Variants in KIAA2012 observed in about 807,000 individuals in gnomAD.
KIAA2012 encodes the protein uncharacterized protein KIAA2012.
In KIAA2012, 125 loss-of-function variants were observed where a neutral mutation model predicts 150.6. The ratio of observed to expected loss-of-function variants is 0.83; its 90% CI spans 0.72 to 0.96. The LOEUF is 0.96. KIAA2012 is among the 40% of genes least tolerant of loss of function. The pLI, the probability that KIAA2012 is intolerant of heterozygous loss-of-function variation, is 0.00. For missense variants in KIAA2012, 1,219 were observed against 1,354.9 expected (o/e 0.90, Z 1.57); for synonymous variants, 462 against 504.7 (o/e 0.92, Z 1.13).
intron 8 of KIAA2012, among the ~76,000 whole-genome samples, chr2:202,105,034 G>A (rs1280437462): frequency 1.3e-5 from 2 of 152,166 alleles, no homozygotes; most frequent in Non-Finnish European, 2.9e-5. Flanking sequence ...TGAATTCATG[G>A]AGTTCTTCCC....
intron 1 of KIAA2012, 113 bp downstream of exon 1, chr2:202,073,824 C>T (rs903527978): frequency 4.8e-5 from 40 of 835,408 alleles, no homozygotes; most frequent in East Asian, 1.9e-4. Flanking sequence ...AGTGAGGTGG[C>T]GGGGTCACTG....
rs34967234 is a variant in KIAA2012 at position 202,203,772 on chromosome 2, C to CTT, written c.*20+1199_*20+1200dup. Among the ~76,000 whole-genome samples the CTT allele has an allele frequency of 6.5e-3, 940 of 143,996 alleles. 10 individuals carry two copies. The highest frequency in any genetic ancestry group is 8.6e-3 in the African/African-American group (338 of 39,382). 94.5% of individuals were successfully genotyped at this position (143,996 alleles called of 152,430 possible). A position where few individuals can be genotyped will look rare whatever the true frequency, so the allele number is the denominator to read the frequency against. ...AATTACATTGACTCTACCAGGATGT[C>CTT]TTTTTTTTTTTTTTTGAGACGGAGT... is the stretch of plus-strand genomic sequence containing the variant. On this transcript the variant is annotated intron_variant, in intron 23 of 23. Transcript: ENST00000498697.
chr2:202,112,469 T>C (rs555999357), intron 10 of KIAA2012, among the ~76,000 whole-genome samples: 1 of 152,316 alleles, frequency 6.6e-6, no homozygotes, highest in Non-Finnish European at 1.5e-5. Flanking sequence ...TCCTACCAAA[T>C]TGTTGAACCC....
intron 16 of KIAA2012, among the ~76,000 whole-genome samples, chr2:202,186,428 C>G (rs1338513012): frequency 6.6e-6 from 1 of 151,902 alleles, no homozygotes; most frequent in Non-Finnish European, 1.5e-5. Flanking sequence ...AGGAGAATCG[C>G]TAGAACCCGG....
intron 1 of KIAA2012, 59 bp downstream of exon 1, chr2:202,073,770 T>A: frequency 6.9e-7 from 1 of 1,456,904 alleles, no homozygotes; most frequent in Non-Finnish European, 9.4e-7. Context: ...TGCTCTATGT[T>A]TCCACTTGGG....
At chr2:202,193,099 TA>T (rs1222902566) in intron 19 of KIAA2012, among the ~76,000 whole-genome samples, 2 of 152,088 alleles carry the variant, frequency 1.3e-5, no homozygotes, top group Non-Finnish European at 2.9e-5. Flanking sequence ...CCAAAGCAAG[TA>T]AGAGAGAGAG....
At chr2:202,092,374 T>C (rs1342424541) in intron 3 of KIAA2012, among the ~76,000 whole-genome samples, 1 of 152,222 alleles carries the variant, frequency 6.6e-6, no homozygotes, top group Non-Finnish European at 1.5e-5. Flanking sequence ...TGGATTTCTT[T>C]ACACCCCTAT....
At chr2:202,142,821 A>T (rs1207501780) in intron 13 of KIAA2012, among the ~76,000 whole-genome samples, 2 of 152,132 alleles carry the variant, frequency 1.3e-5, no homozygotes. Flanking sequence ...GACTTCAAGC[A>T]TTAAAAAAGA....
At chr2:202,153,292 C>G (rs997118250) in intron 13 of KIAA2012, among the ~76,000 whole-genome samples, 1 of 151,996 alleles carries the variant, frequency 6.6e-6, no homozygotes, top group Non-Finnish European at 1.5e-5. Flanking sequence ...CAAGCCTCAG[C>G]AATCATTGTG....
intron 2 of KIAA2012, among the ~76,000 whole-genome samples, chr2:202,086,555 C>T (rs1020684783): frequency 2.6e-5 from 4 of 152,286 alleles, no homozygotes; most frequent in Admixed American, 2.6e-4. Context: ...CTGGGAAAAG[C>T]CTCAAGACCA....
intron 22 of KIAA2012, chr2:202,201,675 T>C (rs1489574743): frequency 1.9e-6 from 3 of 1,610,066 alleles, no homozygotes; most frequent in African/African-American, 1.3e-5. Context: ...CATGGGAAGA[T>C]ACAGAGAGGC....
chr2:202,093,144 T>C lies in KIAA2012; in HGVS notation c.644T>C (p.Phe215Ser), dbSNP rs1689773335. The change falls in exon 4 of 24, where the codon TTC (phenylalanine) becomes TCC (serine). Residue 215 changes from phenylalanine to serine, a missense_variant. Physicochemically the swap from Phe to Ser is radical, Grantham distance 155 (BLOSUM62 -2). Transcript: ENST00000498697. The part of the protein sequence containing the change: ...VPPKYHLLPV[F>S]PSFWIQQGKS... ...CCAAAATACCATCTCCTGCCTGTCTTCCCTTCATTTTGGATTCAACAAGGA... is the reference window on the plus strand; with the variant it reads ...CCAAAATACCATCTCCTGCCTGTCTCCCCTTCATTTTGGATTCAACAAGGA... 1 of 1,551,100 alleles carries C rather than the reference T, an allele frequency of 6.4e-7. No individual in the cohort carries two copies. The highest frequency in any genetic ancestry group is 1.4e-5 in the African/African-American group (1 of 73,054).
intron 21 of KIAA2012, among the ~76,000 whole-genome samples, chr2:202,196,191 T>TTTC (rs1692410669): frequency 2.6e-5 from 1 of 39,182 alleles, no homozygotes; most frequent in Non-Finnish European, 5.7e-5. Context: ...CTTTTCTTTT[T>TTTC]TTTTTTTTTT....
intron 2 of KIAA2012, among the ~76,000 whole-genome samples, chr2:202,080,256 CA>C (rs1311541400): frequency 6.6e-6 from 1 of 152,162 alleles, no homozygotes; most frequent in Non-Finnish European, 1.5e-5. Context: ...TCTAGGAAAG[CA>C]AATCAGATTT....
At chr2:202,080,982 A>G (rs1241467554) in intron 2 of KIAA2012, among the ~76,000 whole-genome samples, 1 of 152,190 alleles carries the variant, frequency 6.6e-6, no homozygotes, top group African/African-American at 2.4e-5. Context: ...CTCCATGTCC[A>G]TGAAACAGTA....
chr2:202,179,791 T>C, intron 15 of KIAA2012: 1 of 625,412 alleles, frequency 1.6e-6, no homozygotes, highest in Admixed American at 1.9e-5. Flanking sequence ...GGGAAAGAAC[T>C]ATGTGAATGG....
At chr2:202,190,588 T>TA in intron 19 of KIAA2012, 95 bp downstream of exon 19, 1 of 938,516 alleles carries the variant, frequency 1.1e-6, no homozygotes, top group Non-Finnish European at 1.6e-6. Flanking sequence ...ATATTGCACT[T>TA]ACTAAAACAG....
In KIAA2012 at chr2:202,111,366, C is replaced by T. The variant is rs867110061; in HGVS notation, c.1651+1577C>T. Among the ~76,000 whole-genome samples the T allele has an allele frequency of 4.0e-5, 6 of 149,590 alleles. No homozygotes were observed. In the South Asian group the frequency reaches 6.3e-4, roughly 16 times the overall value. On this transcript the variant is annotated intron_variant, in intron 10 of 23. Coordinates refer to ENST00000498697, the MANE Select transcript of KIAA2012 (RefSeq NM_001277372.4). The stretch of plus-strand genomic sequence containing the variant: ...AAAAAAAAAAAAAAAAAAAATTAGC[C>T]AGGCATGGTGGTGTACATCTGTGAT...
intron 10 of KIAA2012, among the ~76,000 whole-genome samples, chr2:202,110,168 G>A (rs151066722): frequency 6.6e-6 from 1 of 152,272 alleles, no homozygotes; most frequent in African/African-American, 2.4e-5. Flanking sequence ...CCTGCCAACA[G>A]AAGAGTCCCC....
Sources: allele counts gnomAD v4.1 joint callset (sites outside exome capture counted in the v4.1 genomes callset), GRCh38; gene constraint gnomAD v4.1.1; transcripts MANE v1.5; gene names NCBI Gene and HGNC (gene_info 2026-07-23, HGNC 2026-07-21).